The following FBXL20 variants were observed in gnomAD, a reference collection of about 807,000 sequenced individuals.
FBXL20 encodes F-box/LRR-repeat protein 20.
A neutral mutation model predicts 64.0 loss-of-function variants in FBXL20; 11 were observed. That is an observed-to-expected ratio of 0.17 (90% confidence interval 0.11 to 0.28). The LOEUF (loss-of-function observed/expected upper bound fraction) is 0.28, where lower values mean the gene tolerates loss of function less well. Ranked by LOEUF, FBXL20 falls within the 10% of genes least tolerant of loss-of-function variation. FBXL20 has a pLI of 1.00. For missense variants in FBXL20, 303 were observed against 526.2 expected (o/e 0.58, Z 4.15); for synonymous variants, 184 against 189.0 (o/e 0.97, Z 0.22).
At chr17:39,291,724 T>C (rs1231783814) in intron 6 of FBXL20, among the ~76,000 whole-genome samples, 1 of 152,146 alleles carries the variant, frequency 6.6e-6, no homozygotes, top group African/African-American at 2.4e-5. Context: ...TGTGAGGCAC[T>C]GTGCCCGGCC....
chr17:39,331,483 T>C (rs1410626561), intron 2 of FBXL20, among the ~76,000 whole-genome samples: 1 of 152,186 alleles, frequency 6.6e-6, no homozygotes, highest in Non-Finnish European at 1.5e-5. Context: ...AAGCATTTTC[T>C]GAACTCTCCA....
At position 39,401,592 on chromosome 17, in the gene FBXL20, C is replaced by T. The variant is rs2048245975; in HGVS notation, c.-190G>A. On this transcript the variant is annotated 5_prime_UTR_variant, in exon 1 of 15. Coordinates refer to ENST00000264658, the MANE Select transcript of FBXL20 (RefSeq NM_032875.3). ...CACCACCTCCCGCGGCGCCGGCGGC[C>T]GCAACGACTGCTCGTCGCTAGCTCG... The T allele has an allele frequency of 5.7e-6, 8 of 1,402,460 alleles. No individual in the cohort carries two copies. Among genetic ancestry groups the T allele is most frequent in the African/African-American group, 3.1e-5 (2 of 65,386 alleles). 86.9% of individuals were successfully genotyped at this position (1,402,460 alleles called of 1,614,324 possible).
chr17:39,351,773 T>G (rs1028997290), intron 1 of FBXL20, among the ~76,000 whole-genome samples: 1 of 152,208 alleles, frequency 6.6e-6, no homozygotes, highest in Admixed American at 6.5e-5. Flanking sequence ...TCTTCTCTTC[T>G]TATTGTTTCA....
intron 1 of FBXL20, among the ~76,000 whole-genome samples, chr17:39,347,283 G>A (rs1156978192): frequency 6.6e-6 from 1 of 152,150 alleles, no homozygotes; most frequent in Admixed American, 6.6e-5. Flanking sequence ...TTCCACAATG[G>A]TTGAACTAGT....
chr17:39,267,799 C>T (rs1567856375), intron 12 of FBXL20, among the ~76,000 whole-genome samples: 1 of 152,020 alleles, frequency 6.6e-6, no homozygotes, highest in Non-Finnish European at 1.5e-5. Flanking sequence ...CAGGCATGTC[C>T]GTTCAGAAGG....
intron 2 of FBXL20, among the ~76,000 whole-genome samples, chr17:39,310,164 AAAAAG>A (rs759974124): frequency 2.6e-5 from 4 of 151,538 alleles, no homozygotes; most frequent in South Asian, 2.1e-4. Context: ...AAAAAAAAAA[AAAAAG>A]AAAAGAAACG....
At chr17:39,374,446 C>T (rs1262236921) in intron 1 of FBXL20, among the ~76,000 whole-genome samples, 1 of 151,450 alleles carries the variant, frequency 6.6e-6, no homozygotes, top group African/African-American at 2.4e-5. Flanking sequence ...GAGGCTGAGG[C>T]ATGAGAACTG....
At chr17:39,295,807 T>TATATA (rs1567867921) in intron 6 of FBXL20, among the ~76,000 whole-genome samples, 3 of 126,620 alleles carry the variant, frequency 2.4e-5, no homozygotes, top group African/African-American at 9.3e-5. Flanking sequence ...ATATATATAT[T>TATATA]AAGTCTTCTG....
intron 10 of FBXL20, among the ~76,000 whole-genome samples, chr17:39,273,051 G>GT (rs940067138): frequency 4.6e-5 from 7 of 152,018 alleles, no homozygotes; most frequent in Non-Finnish European, 7.4e-5. Flanking sequence ...TTGTTTGTTT[G>GT]TTTTTTTGAG....
intron 11 of FBXL20, among the ~76,000 whole-genome samples, chr17:39,270,261 T>C (rs1449641040): frequency 6.6e-6 from 1 of 151,866 alleles, no homozygotes; most frequent in Admixed American, 6.6e-5. Flanking sequence ...TCAAGTCTCA[T>C]GGGTGGGTGC....
intron 2 of FBXL20, among the ~76,000 whole-genome samples, chr17:39,315,393 T>TTTTATATATATATATATA (rs147050998): frequency 6.7e-5 from 9 of 134,566 alleles, no homozygotes; most frequent in Non-Finnish European, 1.1e-4. Flanking sequence ...TTTAAATAAT[T>TTTTATATATATATATATA]TATATATATA....
In FBXL20 at chr17:39,377,659, C is replaced by A. The variant is rs544867552; in HGVS notation, c.42+23702G>T. Among the ~76,000 whole-genome samples the A allele has an allele frequency of 3.9e-5, 6 of 152,188 alleles. No individual in the cohort carries two copies. The South Asian group carries it at 1.2e-3, about 32-fold the overall frequency. ...GGGACTACAGGCGCCCACTACCACG[C>A]CCGGCTAATTTTTTTGTATTTTTTA... is the stretch of plus-strand genomic sequence containing the variant. On this transcript the variant is annotated intron_variant, in intron 1 of 14. Coordinates refer to ENST00000264658, the MANE Select transcript of FBXL20 (RefSeq NM_032875.3).
rs116437084 is a variant in FBXL20, at chr17:39,287,747, T to C, written c.399-2174A>G. Among the ~76,000 whole-genome samples, 426 of 152,218 alleles carry C rather than the reference T, an allele frequency of 2.8e-3. 2 individuals carry two copies. The highest frequency in any genetic ancestry group is 9.6e-3 in the African/African-American group (397 of 41,524). ...GGTAGAGTCCTAGGAATGAAATTGC[T>C]AGATCCTATGGCAAGGTTATGTTTG... On this transcript the variant is annotated intron_variant, in intron 6 of 14. Coordinates refer to ENST00000264658, the MANE Select transcript of FBXL20 (RefSeq NM_032875.3).
At chr17:39,331,409 G>T (rs563087768) in intron 2 of FBXL20, among the ~76,000 whole-genome samples, 2 of 152,156 alleles carry the variant, frequency 1.3e-5, no homozygotes, top group South Asian at 2.1e-4. Flanking sequence ...CCTAATTTTT[G>T]TATTTTTTTG....
intron 2 of FBXL20, among the ~76,000 whole-genome samples, chr17:39,326,157 C>A (rs1420344948): frequency 1.3e-5 from 2 of 151,746 alleles, no homozygotes; most frequent in African/African-American, 2.4e-5. Flanking sequence ...AACTTCTCAC[C>A]AGGAGTAGAC....
At chr17:39,349,791 C>T (rs2047670050) in intron 1 of FBXL20, among the ~76,000 whole-genome samples, 2 of 152,012 alleles carry the variant, frequency 1.3e-5, no homozygotes, top group African/African-American at 4.8e-5. Context: ...AAAAAATTAG[C>T]CGGGCATGGT....
At position 39,256,182 on chromosome 17, in the gene FBXL20, G is replaced by A. The variant is rs896600273; in HGVS notation, c.*5278C>T. The A allele has an allele frequency of 5.9e-5, 9 of 152,058 alleles. No individual in the cohort carries two copies. The highest frequency in any genetic ancestry group is 2.2e-4 in the African/African-American group (9 of 41,386). 9.4% of individuals were successfully genotyped at this position (152,058 alleles called of 1,614,324 possible). A position where few individuals can be genotyped will look rare whatever the true frequency, so the allele number is the denominator to read the frequency against. On this transcript the variant is annotated 3_prime_UTR_variant, in exon 15 of 15. Coordinates refer to ENST00000264658, the MANE Select transcript of FBXL20 (RefSeq NM_032875.3). The stretch of plus-strand genomic sequence containing the variant: ...TGAAAAATACAAACATTAGCTGGGC[G>A]TGGTGGTGGGCACCTGTAATCCTGG...
At chr17:39,340,997 C>CTTTTTT (rs11462275) in intron 2 of FBXL20, among the ~76,000 whole-genome samples, 1 of 120,076 alleles carries the variant, frequency 8.3e-6, no homozygotes, top group African/African-American at 3.1e-5. Flanking sequence ...CAAAGTTTTG[C>CTTTTTT]TTTTTTTTTT....
At chr17:39,284,157 G>GATTTT in intron 7 of FBXL20, among the ~76,000 whole-genome samples, 1 of 152,176 alleles carries the variant, frequency 6.6e-6, no homozygotes, top group African/African-American at 2.4e-5. Context: ...GCAGTCAACA[G>GATTTT]CTTTCTAGAT....
Sources: allele counts gnomAD v4.1 joint callset (sites outside exome capture counted in the v4.1 genomes callset), GRCh38; gene constraint gnomAD v4.1.1; transcripts MANE v1.5; gene names NCBI Gene and HGNC (gene_info 2026-07-23, HGNC 2026-07-21).